The following DLG2 variants were observed in gnomAD, a reference collection of about 807,000 sequenced individuals.
DLG2 encodes discs large MAGUK scaffold protein 2.
Under a neutral mutation model 132.5 loss-of-function variants are expected in DLG2, and 45 were observed. That is an observed-to-expected ratio of 0.34 (90% CI 0.27 to 0.44). The LOEUF (loss-of-function observed/expected upper bound fraction) is 0.44. Among genes scored for constraint, DLG2 ranks in the 20% least tolerant of loss-of-function variants. The pLI is 1.00. For missense variants in DLG2, 1,045 were observed against 1,196.9 expected (o/e 0.87, Z 1.87); for synonymous variants, 424 against 419.6 (o/e 1.01, Z -0.13).
intron 6 of DLG2, among the ~76,000 whole-genome samples, chr11:84,868,392 G>A (rs1449861111): frequency 1.3e-5 from 2 of 151,974 alleles, no homozygotes; most frequent in East Asian, 1.9e-4. Context: ...AGTCAGCAAG[G>A]TCATTCTGCA....
At chr11:85,143,584 C>A (rs994341204) in intron 5 of DLG2, among the ~76,000 whole-genome samples, 1 of 151,658 alleles carries the variant, frequency 6.6e-6, no homozygotes, top group Non-Finnish European at 1.5e-5. Flanking sequence ...TTCCATCTTA[C>A]AATTGCTTTT....
At chr11:85,079,532 A>C (rs1013852384) in intron 6 of DLG2, among the ~76,000 whole-genome samples, 16 of 147,776 alleles carry the variant, frequency 1.1e-4, no homozygotes, top group Non-Finnish European at 1.0e-4. Context: ...TCTGGCCAAG[A>C]TTTGCCAGAG....
chr11:84,479,380 G>A (rs528677918), intron 7 of DLG2, among the ~76,000 whole-genome samples: 9 of 152,018 alleles, frequency 5.9e-5, no homozygotes, highest in Admixed American at 3.3e-4. Context: ...TTTCTGAGTT[G>A]GATTTCTTCT....
At chr11:83,562,045 C>T (rs974314622) in intron 19 of DLG2, among the ~76,000 whole-genome samples, 17 of 151,658 alleles carry the variant, frequency 1.1e-4, no homozygotes, top group African/African-American at 3.4e-4. Context: ...CCCAGCACCA[C>T]GCCCAGCTAA....
At chr11:84,383,758 C>T (rs1414998767) in intron 7 of DLG2, among the ~76,000 whole-genome samples, 2 of 152,086 alleles carry the variant, frequency 1.3e-5, no homozygotes, top group African/African-American at 4.8e-5. Flanking sequence ...TTGGCTTAGC[C>T]TCTTGTAAGA....
chr11:85,067,059 G>T (rs949231847), intron 6 of DLG2, among the ~76,000 whole-genome samples: 1 of 151,604 alleles, frequency 6.6e-6, no homozygotes, highest in Non-Finnish European at 1.5e-5. Context: ...TATCCAAAGG[G>T]AAAGAAATCA....
intron 10 of DLG2, among the ~76,000 whole-genome samples, chr11:84,076,513 T>C (rs1027169117): frequency 2.0e-5 from 3 of 152,352 alleles, no homozygotes; most frequent in African/African-American, 7.2e-5. Context: ...AGCAACTTAC[T>C]CAAATTCACA....
chr11:85,061,593 T>C (rs929962889), intron 6 of DLG2, among the ~76,000 whole-genome samples: 2 of 151,832 alleles, frequency 1.3e-5, no homozygotes, highest in African/African-American at 4.8e-5. Context: ...CTAAAGCTGA[T>C]GGTTAAGATG....
At chr11:84,052,852 G>C (rs2096420770) in intron 11 of DLG2, among the ~76,000 whole-genome samples, 1 of 152,012 alleles carries the variant, frequency 6.6e-6, no homozygotes, top group Non-Finnish European at 1.5e-5. Flanking sequence ...AGCCACTGTG[G>C]AAGATAGTCC....
At chr11:84,089,298 A>G (rs941255258) in intron 10 of DLG2, among the ~76,000 whole-genome samples, 13 of 152,160 alleles carry the variant, frequency 8.5e-5, no homozygotes, top group Non-Finnish European at 1.9e-4. Flanking sequence ...AAACAAACAA[A>G]AAAACCAAGC....
intron 8 of DLG2, among the ~76,000 whole-genome samples, chr11:84,227,225 C>T (rs1039028286): frequency 8.5e-5 from 13 of 152,120 alleles, no homozygotes; most frequent in African/African-American, 3.1e-4. Flanking sequence ...AAATAAACCA[C>T]ATTTTGACAG....
In DLG2 at chr11:84,250,103, C is replaced by A. The variant is rs148539087; in HGVS notation, c.573+1135G>T. 9.0e-4 allele frequency among the ~76,000 whole-genome samples: 137 copies of A among 152,292 alleles called. 1 individual carries two copies. The highest frequency in any genetic ancestry group is 3.4e-3 in the Middle Eastern group (1 of 294). On this transcript the variant is annotated intron_variant, in intron 8 of 27. Transcript: ENST00000376104. ...AAAGGCAGCCTATGGACTAGACACA[C>A]TTTGTTTGGCAGACACAGTGTTTGC... is the stretch of plus-strand genomic sequence containing the variant.
At chr11:84,463,630 A>G (rs2099086258) in intron 7 of DLG2, among the ~76,000 whole-genome samples, 1 of 151,184 alleles carries the variant, frequency 6.6e-6, no homozygotes, top group Non-Finnish European at 1.5e-5. Flanking sequence ...TTACCTGATT[A>G]TGATACCCAA....
At position 84,108,364 on chromosome 11, in the gene DLG2, C is replaced by G. The variant is rs540371861; in HGVS notation, c.625-9317G>C. ...CTGACACTGAAGTTTCCCAGTAAGA[C>G]AGAAGGAGATTTAAAAAACAAAAAG... On this transcript the variant is annotated intron_variant, in intron 9 of 27. Transcript: ENST00000376104. 5.3e-5 allele frequency among the ~76,000 whole-genome samples: 8 copies of G among 151,838 alleles called. No individual in the cohort carries two copies. In the South Asian group the frequency reaches 1.7e-3, roughly 32 times the overall value.
intron 8 of DLG2, among the ~76,000 whole-genome samples, chr11:84,167,620 C>T (rs2095699116): frequency 6.6e-6 from 1 of 152,040 alleles, no homozygotes. Context: ...TTCTTTGCCA[C>T]CTTTGTAGCT....
chr11:83,937,624 C>T (rs562773051), intron 14 of DLG2, among the ~76,000 whole-genome samples: 7 of 151,266 alleles, frequency 4.6e-5, no homozygotes, highest in African/African-American at 1.7e-4. Context: ...GATGCTCCTA[C>T]AACTCAATAA....
chr11:83,550,943 G>A (rs2096374665), intron 19 of DLG2, among the ~76,000 whole-genome samples: 1 of 152,084 alleles, frequency 6.6e-6, no homozygotes. Context: ...GAAATAACCT[G>A]GCATGGAATT....
At chr11:85,169,272 A>G (rs942837571) in intron 4 of DLG2, among the ~76,000 whole-genome samples, 3 of 152,180 alleles carry the variant, frequency 2.0e-5, no homozygotes, top group African/African-American at 4.8e-5. Flanking sequence ...ACCTGTGGCT[A>G]AGAGAAGTTC....
intron 3 of DLG2, among the ~76,000 whole-genome samples, chr11:85,555,428 T>A (rs990744792): frequency 1.3e-5 from 2 of 151,860 alleles, no homozygotes; most frequent in Admixed American, 6.6e-5. Context: ...TTCACATTGT[T>A]GAGGTGCAGA....
Sources: gnomAD v4.1 joint callset for allele counts (sites outside exome capture counted in the v4.1 genomes callset) on GRCh38, gnomAD v4.1.1 for gene constraint, MANE v1.5 for transcripts, NCBI Gene and HGNC (gene_info 2026-07-23, HGNC 2026-07-21) for gene names.